LAMA3: variants seen among roughly 807,000 people sequenced by gnomAD.
LAMA3 encodes laminin subunit alpha 3.
In LAMA3, 281 loss-of-function variants were observed where a neutral mutation model predicts 402.0. The ratio of observed to expected loss-of-function variants is 0.70; its 90% CI spans 0.63 to 0.77. LAMA3 has a LOEUF of 0.77. Among genes scored for constraint, LAMA3 ranks in the 30% least tolerant of loss-of-function variants. The pLI is 0.00. For synonymous variants in LAMA3, 1,431 were observed against 1,558.4 expected (o/e 0.92, Z 1.93); for missense variants, 3,840 against 4,215.5 (o/e 0.91, Z 2.47).
chr18:23,842,627 T>C lies in LAMA3; in HGVS notation c.3480T>C (p.Ser1160=), dbSNP rs936432633. The C allele has an allele frequency of 1.9e-6, 3 of 1,614,082 alleles. No individual in the cohort carries two copies. The highest frequency in any genetic ancestry group is 2.7e-5 in the African/African-American group (2 of 74,938). The change falls in exon 29 of 75, where the codon TCT becomes TCC. Residue 1160 remains serine, a synonymous_variant. Coordinates refer to ENST00000313654, the MANE Select transcript of LAMA3 (RefSeq NM_198129.4). ...CTCTGCCAGGCTCCTTCCATGCCTCTTTTTGCCCCCATGTGCTTGGCTGCC... is the reference window on the plus strand; with the variant it reads ...CTCTGCCAGGCTCCTTCCATGCCTCCTTTTGCCCCCATGTGCTTGGCTGCC... ...GWPRAGSFHA[S]FCPHVLGCRD...
At chr18:23,896,473 A>G (rs144873513) in intron 44 of LAMA3, among the ~76,000 whole-genome samples, 4 of 152,364 alleles carry the variant, frequency 2.6e-5, no homozygotes, top group African/African-American at 9.6e-5. Context: ...CACGCTTTCC[A>G]TGATTTCAGT....
At chr18:23,788,483 G>C (rs2062589073) in intron 12 of LAMA3, among the ~76,000 whole-genome samples, 2 of 151,750 alleles carry the variant, frequency 1.3e-5, no homozygotes, top group African/African-American at 4.8e-5. Flanking sequence ...AAACAATAAA[G>C]GGGGAATAGA....
intron 64 of LAMA3, among the ~76,000 whole-genome samples, chr18:23,930,360 A>G (rs951233661): frequency 6.6e-6 from 1 of 152,250 alleles, no homozygotes; most frequent in African/African-American, 2.4e-5. Context: ...TAATATTCTT[A>G]TATTAAAAAT....
In LAMA3 at chr18:23,879,326, G is replaced by A. The variant is rs542224314; in HGVS notation, c.5113-2610G>A. On this transcript the variant is annotated intron_variant, in intron 39 of 74. Coordinates refer to ENST00000313654, the MANE Select transcript of LAMA3 (RefSeq NM_198129.4). The surrounding 1 kb of genome is among the most constrained non-coding windows in gnomAD (Gnocchi z 4.2). ...CCTCCACACACTGCCATGCTATTGT[G>A]AGACTGAGGTTCTGCACGCTGTGTC... Among the ~76,000 whole-genome samples, 16 of 152,256 alleles carry A rather than the reference G, an allele frequency of 1.1e-4. No individual in the cohort carries two copies. The highest frequency in any genetic ancestry group is 4.1e-4 in the South Asian group (2 of 4,824).
At chr18:23,840,640 C>A (rs2063681805) in intron 27 of LAMA3, among the ~76,000 whole-genome samples, 1 of 151,856 alleles carries the variant, frequency 6.6e-6, no homozygotes, top group Non-Finnish European at 1.5e-5. Context: ...CCCCACTGCA[C>A]CTTGCAGGTA....
intron 52 of LAMA3, among the ~76,000 whole-genome samples, chr18:23,907,060 G>A (rs1318909929): frequency 6.6e-6 from 1 of 152,184 alleles, no homozygotes; most frequent in African/African-American, 2.4e-5. Flanking sequence ...CCTGGATGAG[G>A]CTCTTTCAAC....
intron 67 of LAMA3, among the ~76,000 whole-genome samples, chr18:23,937,344 C>G (rs1350044296): frequency 1.6e-5 from 2 of 127,756 alleles, no homozygotes; most frequent in Non-Finnish European, 3.1e-5. Flanking sequence ...GCAGCCCGGG[C>G]AACAGAGTGA....
At chr18:23,931,276 CTT>C in intron 65 of LAMA3, 75 bp downstream of exon 65, 1 of 1,365,668 alleles carries the variant, frequency 7.3e-7, no homozygotes, top group Non-Finnish European at 1.0e-6. Context: ...TTTCTGGTGT[CTT>C]TTTGCAAAAT....
At chr18:23,853,610 T>A (rs2063995916) in intron 32 of LAMA3, among the ~76,000 whole-genome samples, 1 of 152,150 alleles carries the variant, frequency 6.6e-6, no homozygotes, top group Admixed American at 6.5e-5. Context: ...CCAACACATC[T>A]GGGCCTGATT....
chr18:23,810,383 C>G lies in LAMA3; in HGVS notation c.1621C>G (p.Leu541Val). Residue 541 changes from leucine to valine, a missense_variant, in exon 13 of 75, where the codon CTT becomes GTT. Coordinates refer to ENST00000313654, the MANE Select transcript of LAMA3 (RefSeq NM_198129.4). ...PICQACWCSA[L>V]GSYQMPCSSV... ...TCATCCAGCCTGCTGGTGTTCAGCC[C>G]TTGGATCCTACCAGATGCCCTGCAG... 1.2e-6 allele frequency: 2 copies of G among 1,614,160 alleles called. No homozygotes were observed. The highest frequency in any genetic ancestry group is 1.7e-6 in the Non-Finnish European group (2 of 1,180,032).
At chr18:23,833,345 A>T (rs947322766) in intron 23 of LAMA3, among the ~76,000 whole-genome samples, 1 of 152,112 alleles carries the variant, frequency 6.6e-6, no homozygotes, top group East Asian at 1.9e-4. Context: ...CAGGAGCGAG[A>T]TGTGTGTGTG....
chr18:23,741,999 G>A (rs1339627021), intron 2 of LAMA3, among the ~76,000 whole-genome samples: 3 of 152,116 alleles, frequency 2.0e-5, no homozygotes, highest in African/African-American at 7.2e-5. Context: ...GTGCACACCT[G>A]TAATCCCAGC....
chr18:23,711,633 A>G (rs2145899456), intron 1 of LAMA3, among the ~76,000 whole-genome samples: 1 of 152,330 alleles, frequency 6.6e-6, no homozygotes, highest in South Asian at 2.1e-4. Context: ...CTCTGGACTT[A>G]GGTCCTGATT....
At chr18:23,693,743 G>T (rs549197153) in intron 1 of LAMA3, among the ~76,000 whole-genome samples, 20 of 152,192 alleles carry the variant, frequency 1.3e-4, no homozygotes, top group East Asian at 1.9e-4. Flanking sequence ...AATTTTTAAG[G>T]TTAATTTAGT....
intron 68 of LAMA3, 95 bp from the exon 69 acceptor site, chr18:23,943,693 G>T (rs2082605197): frequency 3.6e-6 from 4 of 1,102,600 alleles, no homozygotes; most frequent in Non-Finnish European, 5.6e-6. Flanking sequence ...GAAAAATGGG[G>T]GTTGGGTGTT....
rs187142330 is a variant in LAMA3, at chr18:23,863,086, G to A, written c.4584+1279G>A. Among the ~76,000 whole-genome samples the A allele has an allele frequency of 1.3e-3, 198 of 152,288 alleles. 1 individual carries two copies. Among genetic ancestry groups the A allele is most frequent in the Non-Finnish European group, 2.2e-3 (153 of 68,014 alleles). On this transcript the variant is annotated intron_variant, in intron 35 of 74. Transcript: ENST00000313654. ...GCAGTGTTTTTGTAACCTAATTTCA[G>A]AACTGCCATGCCCTCACTTCTCCTT...
chr18:23,773,812 A>G (rs1312525755), intron 9 of LAMA3, among the ~76,000 whole-genome samples: 1 of 152,254 alleles, frequency 6.6e-6, no homozygotes. Context: ...AATAAAATGC[A>G]ATCAAAAGCA....
intron 7 of LAMA3, among the ~76,000 whole-genome samples, chr18:23,759,918 G>A (rs1291108115): frequency 6.6e-6 from 1 of 152,084 alleles, no homozygotes; most frequent in Admixed American, 6.6e-5. Context: ...ACAGCTAATC[G>A]GTTCCTTCTC....
At chr18:23,846,149 G>A (rs959885415) in intron 30 of LAMA3, 148 bp from the exon 31 acceptor site, 8 of 832,034 alleles carry the variant, frequency 9.6e-6, no homozygotes, top group Non-Finnish European at 1.7e-5. Context: ...TGAGTCTGAG[G>A]TGGGGTATTT....
Sources: gnomAD v4.1 joint callset for allele counts (sites outside exome capture counted in the v4.1 genomes callset) on GRCh38, gnomAD v4.1.1 for gene constraint, Gnocchi (gnomAD v3.1) non-coding constraint, MANE v1.5 for transcripts, NCBI Gene and HGNC (gene_info 2026-07-23, HGNC 2026-07-21) for gene names.